The following RGP1 variants were observed in gnomAD, a reference collection of about 807,000 sequenced individuals.
RGP1 encodes the protein RGP1 partner of RAB6A GEF complex.
Under a neutral mutation model 44.5 loss-of-function variants are expected in RGP1, and 28 were observed. That is an observed-to-expected ratio of 0.63 (90% CI 0.47 to 0.86). RGP1 has a LOEUF of 0.86. RGP1 is among the 40% of genes least tolerant of loss of function. The pLI is 0.00. For missense variants in RGP1, 417 were observed against 490.7 expected (o/e 0.85, Z 1.42); for synonymous variants, 212 against 196.7 (o/e 1.08, Z -0.65).
the RGP1 span, among the ~76,000 whole-genome samples, chr9:35,782,734 C>G: frequency 6.6e-6 from 1 of 151,964 alleles, no homozygotes; most frequent in East Asian, 1.9e-4. Flanking sequence ...GTGTGAGCCA[C>G]CACGCCAGGC....
downstream of RGP1, among the ~76,000 whole-genome samples, chr9:35,760,273 T>C (rs1827407565): frequency 1.3e-5 from 2 of 152,030 alleles, no homozygotes; most frequent in Admixed American, 1.3e-4. Flanking sequence ...GGGGCCATTG[T>C]TGGGAGAGCA....
chr9:35,760,693 C>G (rs2132042799), downstream of RGP1, among the ~76,000 whole-genome samples: 1 of 152,252 alleles, frequency 6.6e-6, no homozygotes, highest in East Asian at 1.9e-4. Context: ...ACCCAGAGAT[C>G]TGATTTTTAC....
intron 8 of RGP1, 41 bp downstream of exon 8, chr9:35,752,186 G>A (rs368461138): frequency 1.5e-5 from 23 of 1,500,838 alleles, no homozygotes; most frequent in East Asian, 6.8e-5. Context: ...GAGGGGGACA[G>A]TAAAATGCTG....
the RGP1 span, among the ~76,000 whole-genome samples, chr9:35,788,515 G>A: frequency 2.6e-5 from 4 of 151,492 alleles, no homozygotes; most frequent in African/African-American, 7.3e-5. Flanking sequence ...GCAGTGAGCC[G>A]AGATTGCGCC....
chr9:35,753,031 C>A lies in RGP1; in HGVS notation c.*157C>A. On this transcript the variant is annotated 3_prime_UTR_variant, in exon 9 of 9. Transcript: ENST00000378078. The surrounding 1 kb of genome is among the most constrained non-coding windows in gnomAD (Gnocchi z 4.2). The stretch of plus-strand genomic sequence containing the variant: ...AATTTATTTGTTCAGAATACATTGG[C>A]AGCTGCTAGTGGTTTCCCTGGAAGT... The A allele has an allele frequency of 1.3e-6, 2 of 1,576,116 alleles. 1 individual carries two copies.
chr9:35,785,654 G>T, the RGP1 span, among the ~76,000 whole-genome samples: 1 of 152,142 alleles, frequency 6.6e-6, no homozygotes. Flanking sequence ...AGAAGGCAGA[G>T]CAAGAACTGG....
chr9:35,753,835 T>G lies in RGP1; in HGVS notation c.*961T>G. 6.5e-7 allele frequency: 1 copy of G among 1,542,336 alleles called. No homozygotes were observed. Among genetic ancestry groups the G allele is most frequent in the Non-Finnish European group, 8.9e-7 (1 of 1,119,290 alleles). On this transcript the variant is annotated 3_prime_UTR_variant, in exon 9 of 9. Coordinates refer to ENST00000378078, the MANE Select transcript of RGP1 (RefSeq NM_001080496.3). This position sits in a 1 kb window ranked among gnomAD's most constrained non-coding sequence, Gnocchi z 4.2. Reference sequence around the variant, plus strand: ...ATGAGAGGCAGAGGCTCTTCTGGTCTGGGGTGGAGACAGTAAGTACGCACT... The same window carrying G: ...ATGAGAGGCAGAGGCTCTTCTGGTCGGGGGTGGAGACAGTAAGTACGCACT...
chr9:35,767,209 T>C, the RGP1 span, among the ~76,000 whole-genome samples: 1 of 152,008 alleles, frequency 6.6e-6, no homozygotes, highest in East Asian at 1.9e-4. Context: ...TCATATCAAA[T>C]GATCTCATGT....
chr9:35,753,838 G>T lies in RGP1; in HGVS notation c.*964G>T. On this transcript the variant is annotated 3_prime_UTR_variant, in exon 9 of 9. Transcript: ENST00000378078. This position sits in a 1 kb window ranked among gnomAD's most constrained non-coding sequence, Gnocchi z 4.2. ...AGAGGCAGAGGCTCTTCTGGTCTGGGGTGGAGACAGTAAGTACGCACTATC... is the reference window on the plus strand; with the variant it reads ...AGAGGCAGAGGCTCTTCTGGTCTGGTGTGGAGACAGTAAGTACGCACTATC... 1 of 1,534,346 alleles carries T rather than the reference G, an allele frequency of 6.5e-7. No homozygotes were observed. Among genetic ancestry groups the T allele is most frequent in the Non-Finnish European group, 9.0e-7 (1 of 1,112,692 alleles).
chr9:35,774,537 C>T, the RGP1 span, among the ~76,000 whole-genome samples: 10 of 152,112 alleles, frequency 6.6e-5, no homozygotes, highest in African/African-American at 2.2e-4. Context: ...ACCATCCTGG[C>T]TAACACGGTG....
the RGP1 span, among the ~76,000 whole-genome samples, chr9:35,770,866 AATC>A: frequency 8.5e-5 from 13 of 152,204 alleles, no homozygotes; most frequent in Non-Finnish European, 1.2e-4. Context: ...CTGCCTGTCA[AATC>A]TGAAGAAAAC....
At chr9:35,785,560 G>GT in the RGP1 span, among the ~76,000 whole-genome samples, 8,316 of 152,102 alleles carry the variant, frequency 0.055, 458 homozygotes, top group African/African-American at 0.14. Context: ...ACATAATTAG[G>GT]TTTTTGTTTC....
At chr9:35,750,616 T>A (rs756493397) in intron 3 of RGP1, 42 bp from the exon 4 acceptor site, 6 of 1,598,466 alleles carry the variant, frequency 3.8e-6, no homozygotes, top group Non-Finnish European at 5.1e-6. Flanking sequence ...TGTTCAGTAC[T>A]GGACAATGGG....
the RGP1 span, among the ~76,000 whole-genome samples, chr9:35,773,359 AG>A: frequency 6.6e-6 from 1 of 152,198 alleles, no homozygotes; most frequent in Non-Finnish European, 1.5e-5. Flanking sequence ...CTACTCTGTC[AG>A]CCTGGATGAC....
At chr9:35,775,612 G>A in the RGP1 span, among the ~76,000 whole-genome samples, 2,100 of 152,252 alleles carry the variant, frequency 0.014, 22 homozygotes, top group Non-Finnish European at 0.02. Context: ...ATAAGCTTGC[G>A]TTTGTCTCTT....
At chr9:35,765,895 C>T in the RGP1 span, among the ~76,000 whole-genome samples, 3 of 149,030 alleles carry the variant, frequency 2.0e-5, no homozygotes. Context: ...AGTGCAGTGG[C>T]ATGATCTCGG....
Position 35,752,001 on chromosome 9 carries a change from C to A in RGP1, c.808C>A (p.Gln270Lys). The A allele has an allele frequency of 6.2e-7, 1 of 1,601,550 alleles. No individual in the cohort carries two copies. Among genetic ancestry groups the A allele is most frequent in the Non-Finnish European group, 8.5e-7 (1 of 1,173,838 alleles). ...CGAGGAGCGTGTACAGCCTGAGTAC[C>A]AGCGGCGACGTGGGGCAGGGGGTGT... ...QTEERVQPEY[Q>K]RRRGAGGVPS... The change falls in exon 8 of 9, where the codon CAG becomes AAG. Residue 270 changes from glutamine (Q) to lysine (K), a missense_variant. Transcript: ENST00000378078.
chr9:35,755,809 C>A lies in RGP1; in HGVS notation c.*2935C>A, dbSNP rs1827351184. ...TGGCCTGTGGCCTGGGGGATGGAGA[C>A]CCCTAATCCATGTCACCTTTCCCAC... On this transcript the variant is annotated 3_prime_UTR_variant, in exon 9 of 9. Transcript: ENST00000378078. The A allele has an allele frequency of 6.6e-6, 1 of 152,240 alleles. No individual in the cohort carries two copies. Among genetic ancestry groups the A allele is most frequent in the Admixed American group, 6.5e-5 (1 of 15,292 alleles). The allele number at this position is 152,240 out of a possible 1,614,324, so 9.4% of individuals were successfully genotyped here. A position where few individuals can be genotyped will look rare whatever the true frequency, so the allele number is the denominator to read the frequency against.
At chr9:35,767,281 TG>T in the RGP1 span, among the ~76,000 whole-genome samples, 4 of 130,348 alleles carry the variant, frequency 3.1e-5, no homozygotes, top group African/African-American at 1.2e-4. Context: ...TTAAGCAAAT[TG>T]GTTTTTTTTT....
Sources: allele counts gnomAD v4.1 joint callset (sites outside exome capture counted in the v4.1 genomes callset), GRCh38; gene constraint gnomAD v4.1.1; non-coding constraint Gnocchi (gnomAD v3.1); transcripts MANE v1.5; gene names NCBI Gene and HGNC (gene_info 2026-07-23, HGNC 2026-07-21).